Variants in TUSC3 observed in about 807,000 individuals in gnomAD.
TUSC3 encodes tumor suppressor candidate 3, also known as dolichyl-diphosphooligosaccharide--protein glycosyltransferase subunit TUSC3.
A neutral mutation model predicts 44.8 loss-of-function variants in TUSC3; 45 were observed. The ratio of observed to expected loss-of-function variants is 1.00; its 90% CI spans 0.79 to 1.29. TUSC3 has a LOEUF of 1.29. Ranked by LOEUF, TUSC3 falls within the 50% of genes most tolerant of loss-of-function variation. The pLI, the probability that TUSC3 is intolerant of heterozygous loss-of-function variation, is 0.00. For missense variants in TUSC3, 519 were observed against 437.9 expected (o/e 1.19, Z -1.65); for synonymous variants, 212 against 152.9 (o/e 1.39, Z -2.85).
intron 6 of TUSC3, among the ~76,000 whole-genome samples, chr8:15,713,170 G>A (rs530974111): frequency 1.3e-5 from 2 of 152,212 alleles, no homozygotes; most frequent in East Asian, 3.9e-4. Flanking sequence ...AAACATAAAA[G>A]CCTCCCTTTC....
At chr8:15,720,860 C>G (rs1250299460) in intron 6 of TUSC3, among the ~76,000 whole-genome samples, 1 of 152,006 alleles carries the variant, frequency 6.6e-6, no homozygotes, top group Admixed American at 6.6e-5. Context: ...GATCGAAGGG[C>G]AATATAACAA....
At chr8:15,735,950 G>C (rs184128679) in intron 7 of TUSC3, among the ~76,000 whole-genome samples, 408 of 150,380 alleles carry the variant, frequency 2.7e-3, no homozygotes, top group African/African-American at 9.2e-3. Flanking sequence ...GGATGGTCTC[G>C]ATCTCCTGAC....
At chr8:15,751,425 C>CTGAT (rs576159914) in intron 9 of TUSC3, among the ~76,000 whole-genome samples, 15 of 152,250 alleles carry the variant, frequency 9.9e-5, no homozygotes, top group African/African-American at 3.6e-4. Context: ...TTCTCTTCAG[C>CTGAT]TGATTAGAGC....
At chr8:15,754,008 G>T (rs1227285537) in intron 9 of TUSC3, among the ~76,000 whole-genome samples, 1 of 151,962 alleles carries the variant, frequency 6.6e-6, no homozygotes, top group African/African-American at 2.4e-5. Flanking sequence ...ATTATCCTGT[G>T]GTGAACATAG....
chr8:15,460,800 T>C (rs1800335168), intron 1 of TUSC3, among the ~76,000 whole-genome samples: 1 of 152,086 alleles, frequency 6.6e-6, no homozygotes, highest in Non-Finnish European at 1.5e-5. Context: ...TTTCCCCCAC[T>C]TTGTTTTTGT....
intron 2 of TUSC3, among the ~76,000 whole-genome samples, chr8:15,484,552 C>T (rs888353492): frequency 1.3e-5 from 2 of 151,906 alleles, no homozygotes; most frequent in Admixed American, 1.3e-4. Context: ...TCCAACATGT[C>T]TATCTCTTTC....
the TUSC3 span, among the ~76,000 whole-genome samples, chr8:15,844,726 C>G: frequency 6.6e-6 from 1 of 152,122 alleles, no homozygotes; most frequent in Non-Finnish European, 1.5e-5. Context: ...GATTAGCATG[C>G]CTACCTCATC....
chr8:15,431,819 T>C (rs1196033104), intron 1 of TUSC3, among the ~76,000 whole-genome samples: 1 of 62,924 alleles, frequency 1.6e-5, no homozygotes, highest in Non-Finnish European at 4.8e-5. Context: ...ATGGACCTTA[T>C]TATGTTGAGG....
At chr8:15,748,711 A>C in intron 9 of TUSC3, 2 of 633,330 alleles carry the variant, frequency 3.2e-6, no homozygotes, top group Non-Finnish European at 6.0e-6. Context: ...TATATAACAA[A>C]TGAGGTTTAA....
chr8:15,451,745 G>A (rs1363006289), intron 1 of TUSC3, among the ~76,000 whole-genome samples: 1 of 152,110 alleles, frequency 6.6e-6, no homozygotes. Context: ...GGGCAATATT[G>A]TGTGACTGAG....
chr8:15,439,802 G>A (rs1799997381), intron 1 of TUSC3, among the ~76,000 whole-genome samples: 1 of 151,980 alleles, frequency 6.6e-6, no homozygotes, highest in Non-Finnish European at 1.5e-5. Context: ...ATTCATTTCT[G>A]CCTTGCACTA....
intron 2 of TUSC3, among the ~76,000 whole-genome samples, chr8:15,483,716 T>C (rs572656192): frequency 8.3e-4 from 113 of 136,704 alleles, no homozygotes; most frequent in African/African-American, 2.7e-3. Flanking sequence ...AGTGCAGTGG[T>C]GCCATCTCGG....
chr8:15,467,786 T>G (rs1298978157), intron 1 of TUSC3, among the ~76,000 whole-genome samples: 1 of 152,194 alleles, frequency 6.6e-6, no homozygotes, highest in Non-Finnish European at 1.5e-5. Flanking sequence ...TTTCTTTTTA[T>G]TTATCTCTCT....
At chr8:15,656,140 A>G (rs999963123) in intron 3 of TUSC3, among the ~76,000 whole-genome samples, 1 of 152,064 alleles carries the variant, frequency 6.6e-6, no homozygotes, top group Non-Finnish European at 1.5e-5. Context: ...AAAAACATTC[A>G]AACCATCATA....
chr8:15,630,564 C>T (rs1268602718), intron 2 of TUSC3, among the ~76,000 whole-genome samples: 3 of 152,182 alleles, frequency 2.0e-5, no homozygotes, highest in South Asian at 2.1e-4. Flanking sequence ...TTCAAAGTCA[C>T]ACAGCTAGTA....
chr8:15,495,080 G>A (rs1800863470), intron 2 of TUSC3, among the ~76,000 whole-genome samples: 1 of 152,122 alleles, frequency 6.6e-6, no homozygotes, highest in Non-Finnish European at 1.5e-5. Context: ...CAAAATACAG[G>A]ATCTCATTCT....
chr8:15,694,599 G>A (rs1809074844), intron 6 of TUSC3, among the ~76,000 whole-genome samples: 1 of 152,078 alleles, frequency 6.6e-6, no homozygotes, highest in Admixed American at 6.5e-5. Flanking sequence ...TCCTTTGGAT[G>A]AGTTTTTTGT....
downstream of TUSC3, among the ~76,000 whole-genome samples, chr8:15,768,380 C>T (rs1812384356): frequency 6.6e-6 from 1 of 152,032 alleles, no homozygotes; most frequent in Admixed American, 6.6e-5. Flanking sequence ...AATGTTCAGG[C>T]TATCCACTTT....
At chr8:15,487,042 A>C (rs1175219590) in intron 2 of TUSC3, among the ~76,000 whole-genome samples, 2 of 152,206 alleles carry the variant, frequency 1.3e-5, no homozygotes, top group Non-Finnish European at 2.9e-5. Flanking sequence ...TTATACCAGC[A>C]TATATTATTA....
Sources: allele counts gnomAD v4.1 joint callset (sites outside exome capture counted in the v4.1 genomes callset), GRCh38; gene constraint gnomAD v4.1.1; transcripts MANE v1.5; gene names NCBI Gene and HGNC (gene_info 2026-07-23, HGNC 2026-07-21).